Variants in CLSTN2 observed in about 807,000 individuals in gnomAD.
CLSTN2 encodes the protein calsyntenin-2.
A neutral mutation model predicts 101.2 loss-of-function variants in CLSTN2; 48 were observed. That is an observed-to-expected ratio of 0.47 (90% CI 0.38 to 0.60). The LOEUF (loss-of-function observed/expected upper bound fraction) is 0.60. CLSTN2 is among the 20% of genes least tolerant of loss of function. The probability of loss-of-function intolerance (pLI) is 0.00; values close to 1 mark genes in which losing one functional copy is unlikely to be tolerated. For missense variants in CLSTN2, 1,160 were observed against 1,238.2 expected (o/e 0.94, Z 0.95); for synonymous variants, 481 against 463.6 (o/e 1.04, Z -0.48).
At chr3:140,062,602 T>G (rs902684990) in intron 1 of CLSTN2, among the ~76,000 whole-genome samples, 2 of 152,218 alleles carry the variant, frequency 1.3e-5, no homozygotes, top group Non-Finnish European at 2.9e-5. Flanking sequence ...TAGATAGCTT[T>G]TTATTTTCCT....
chr3:140,473,627 G>A (rs1414968787), intron 8 of CLSTN2, among the ~76,000 whole-genome samples: 1 of 152,156 alleles, frequency 6.6e-6, no homozygotes, highest in African/African-American at 2.4e-5. Context: ...GGATCCTCCA[G>A]TACAGCCTTC....
At chr3:140,455,110 G>C (rs889703812) in intron 6 of CLSTN2, among the ~76,000 whole-genome samples, 9 of 152,228 alleles carry the variant, frequency 5.9e-5, no homozygotes, top group African/African-American at 2.2e-4. Context: ...GGCAGTGCCT[G>C]TCATAACTTA....
At chr3:139,998,391 T>A (rs569681692) in intron 1 of CLSTN2, among the ~76,000 whole-genome samples, 1 of 82,942 alleles carries the variant, frequency 1.2e-5, no homozygotes, top group Admixed American at 1.8e-4. Context: ...CAGGCTGGAG[T>A]GCAGTGGCGC....
chr3:140,250,996 TG>T lies in CLSTN2; in HGVS notation c.232+74925del, dbSNP rs557907149. Among the ~76,000 whole-genome samples the T allele has an allele frequency of 7.2e-5, 11 of 152,298 alleles. No individual in the cohort carries two copies. The East Asian group carries it at 2.1e-3, about 29-fold the overall frequency. On this transcript the variant is annotated intron_variant, in intron 2 of 16. Transcript: ENST00000458420. ...TGAGAAGAGTCTTTTCCTCACTGAC[TG>T]GTTTCCATGTGGCGGATATGTCCAT...
chr3:140,171,750 ATG>A (rs1168288407), intron 1 of CLSTN2, among the ~76,000 whole-genome samples: 1 of 103,460 alleles, frequency 9.7e-6, no homozygotes, highest in African/African-American at 3.8e-5. Flanking sequence ...AATATATAAT[ATG>A]TATAATATAT....
chr3:140,256,648 A>G (rs2107879673), intron 2 of CLSTN2, among the ~76,000 whole-genome samples: 1 of 152,318 alleles, frequency 6.6e-6, no homozygotes, highest in East Asian at 1.9e-4. Context: ...TTTGGACCTG[A>G]CATTCTAGGA....
At chr3:140,443,852 G>A (rs1163445052) in intron 5 of CLSTN2, among the ~76,000 whole-genome samples, 2 of 152,124 alleles carry the variant, frequency 1.3e-5, no homozygotes, top group African/African-American at 4.8e-5. Context: ...TGCAGATGAA[G>A]CAATGGAGGC....
intron 10 of CLSTN2, among the ~76,000 whole-genome samples, chr3:140,548,596 G>A (rs1935648658): frequency 6.6e-6 from 1 of 152,200 alleles, no homozygotes; most frequent in Non-Finnish European, 1.5e-5. Context: ...GGATGGGAAA[G>A]AGGGAAGTCA....
chr3:140,440,289 C>G (rs2088746790), intron 5 of CLSTN2, among the ~76,000 whole-genome samples: 1 of 152,098 alleles, frequency 6.6e-6, no homozygotes, highest in African/African-American at 2.4e-5. Flanking sequence ...TATCCTTCCC[C>G]CACTTTCATT....
At chr3:140,125,296 A>G (rs565520623) in intron 1 of CLSTN2, among the ~76,000 whole-genome samples, 3 of 152,222 alleles carry the variant, frequency 2.0e-5, no homozygotes, top group Admixed American at 6.5e-5. Flanking sequence ...GCACACTTAT[A>G]TGTGAAAAAA....
chr3:140,085,754 A>C (rs1476937504), intron 1 of CLSTN2, among the ~76,000 whole-genome samples: 1 of 152,140 alleles, frequency 6.6e-6, no homozygotes, highest in South Asian at 2.1e-4. Flanking sequence ...GAGCAATACA[A>C]CAATGTCTAG....
intron 4 of CLSTN2, among the ~76,000 whole-genome samples, chr3:140,407,600 A>G (rs1433008582): frequency 3.3e-5 from 5 of 152,180 alleles, no homozygotes; most frequent in Non-Finnish European, 4.4e-5. Context: ...TGGTGCAACA[A>G]TTATTAAATA....
At chr3:140,542,163 C>T (rs777642254) in intron 9 of CLSTN2, among the ~76,000 whole-genome samples, 2 of 152,118 alleles carry the variant, frequency 1.3e-5, no homozygotes, top group Non-Finnish European at 2.9e-5. Context: ...GGACACATTG[C>T]CTATATCAAT....
At chr3:140,060,036 C>T (rs1467548889) in intron 1 of CLSTN2, among the ~76,000 whole-genome samples, 2 of 152,142 alleles carry the variant, frequency 1.3e-5, no homozygotes, top group Non-Finnish European at 2.9e-5. Flanking sequence ...GCCTCAGTTT[C>T]CTCATCTGTA....
chr3:140,403,478 C>G, intron 2 of CLSTN2, 151 bp from the exon 3 acceptor site: 1 of 685,972 alleles, frequency 1.5e-6, no homozygotes, highest in Non-Finnish European at 2.5e-6. Context: ...AGCTCCCAGG[C>G]AATGCTGATG....
At chr3:140,477,017 G>C (rs1003987387) in intron 8 of CLSTN2, among the ~76,000 whole-genome samples, 1 of 152,146 alleles carries the variant, frequency 6.6e-6, no homozygotes. Context: ...TAATGAGAAG[G>C]CTGTTCATTC....
chr3:140,339,418 A>G (rs997595985), intron 2 of CLSTN2, among the ~76,000 whole-genome samples: 1 of 152,098 alleles, frequency 6.6e-6, no homozygotes, highest in Non-Finnish European at 1.5e-5. Context: ...AATTACAGGG[A>G]TTTAATTTGC....
At chr3:140,553,128 G>A (rs1348093739) in intron 10 of CLSTN2, among the ~76,000 whole-genome samples, 2 of 152,192 alleles carry the variant, frequency 1.3e-5, no homozygotes, top group African/African-American at 2.4e-5. Flanking sequence ...AGCACCAGAG[G>A]GTGGTGCTCT....
intron 2 of CLSTN2, among the ~76,000 whole-genome samples, chr3:140,387,127 T>G (rs540979739): frequency 6.6e-6 from 1 of 152,102 alleles, no homozygotes; most frequent in Non-Finnish European, 1.5e-5. Flanking sequence ...CATGGAGCTC[T>G]GAGGAGAAAA....
Sources: gnomAD v4.1 joint callset for allele counts (sites outside exome capture counted in the v4.1 genomes callset) on GRCh38, gnomAD v4.1.1 for gene constraint, MANE v1.5 for transcripts, NCBI Gene and HGNC (gene_info 2026-07-23, HGNC 2026-07-21) for gene names.